The following FANK1 variants were observed in gnomAD, a reference collection of about 807,000 sequenced individuals.
FANK1 encodes fibronectin type III and ankyrin repeat domains 1.
A neutral mutation model predicts 45.3 loss-of-function variants in FANK1; 44 were observed. The ratio of observed to expected loss-of-function variants is 0.97; its 90% CI spans 0.76 to 1.25. FANK1 has a LOEUF of 1.25. FANK1 is among the 50% of genes most tolerant of loss of function. The probability of loss-of-function intolerance (pLI) is 0.00; values close to 1 mark genes in which losing one functional copy is unlikely to be tolerated. For missense variants in FANK1, 391 were observed against 424.4 expected (o/e 0.92, Z 0.69); for synonymous variants, 149 against 152.5 (o/e 0.98, Z 0.17).
chr10:125,980,175 T>C lies in FANK1; in HGVS notation c.28T>C (p.Ser10Pro). 1 of 1,611,602 alleles carries C rather than the reference T, an allele frequency of 6.2e-7. No individual in the cohort carries two copies. The stretch of plus-strand genomic sequence containing the variant: ...CTTTTTTTTAGAAATCATGCCACCC[T>C]CAAAGCCTCATCCACCTGTCGTGGG... MEPQKIMPP[S>P]KPHPPVVGKV... Residue 10 changes from serine to proline, a missense_variant, in exon 2 of 11, where the codon TCA becomes CCA. Transcript: ENST00000368693.
intron 1 of FANK1, among the ~76,000 whole-genome samples, chr10:125,977,352 G>A (rs1343701242): frequency 6.6e-6 from 1 of 152,168 alleles, no homozygotes; most frequent in African/African-American, 2.4e-5. Flanking sequence ...AGGGGGGTAT[G>A]TTAATGAGGT....
At chr10:125,996,672 A>G in intron 5 of FANK1, 48 bp downstream of exon 5, 1 of 1,574,758 alleles carries the variant, frequency 6.4e-7, no homozygotes, top group Non-Finnish European at 8.7e-7. Flanking sequence ...TTAACTTTTT[A>G]TTTTATTCAA....
intron 1 of FANK1, among the ~76,000 whole-genome samples, chr10:125,899,163 T>C (rs77513050): frequency 0.016 from 1,105 of 71,154 alleles, no homozygotes; most frequent in African/African-American, 0.022. Context: ...CGGGTTCAAG[T>C]AATTCTCCTG....
chr10:126,001,499 A>G (rs1401324799), intron 6 of FANK1, among the ~76,000 whole-genome samples: 1 of 152,196 alleles, frequency 6.6e-6, no homozygotes. Context: ...CGGGTCCTCC[A>G]TTTCTGGTGG....
At chr10:125,946,115 C>T (rs1948779572) in intron 1 of FANK1, among the ~76,000 whole-genome samples, 1 of 152,080 alleles carries the variant, frequency 6.6e-6, no homozygotes, top group Non-Finnish European at 1.5e-5. Context: ...TGTACATCAC[C>T]ATCATCAAAG....
chr10:125,943,642 C>G (rs1282130781), intron 1 of FANK1, among the ~76,000 whole-genome samples: 1 of 152,170 alleles, frequency 6.6e-6, no homozygotes, highest in African/African-American at 2.4e-5. Flanking sequence ...TCTATTCATG[C>G]TCAGGTGTTC....
intron 1 of FANK1, among the ~76,000 whole-genome samples, chr10:125,919,240 C>G (rs1447525766): frequency 1.3e-5 from 1 of 79,348 alleles, no homozygotes; most frequent in African/African-American, 4.8e-5. Context: ...GAGTCTTGCT[C>G]TGTCCCGCAG....
intron 1 of FANK1, among the ~76,000 whole-genome samples, chr10:125,939,224 G>A (rs1015018588): frequency 1.3e-5 from 2 of 152,130 alleles, no homozygotes; most frequent in African/African-American, 4.8e-5. Flanking sequence ...AGACACACCA[G>A]CTAAATGCAG....
At chr10:125,904,006 A>G (rs898695182) in intron 1 of FANK1, among the ~76,000 whole-genome samples, 3 of 152,014 alleles carry the variant, frequency 2.0e-5, no homozygotes, top group African/African-American at 4.8e-5. Flanking sequence ...GTGATCCCAC[A>G]GCTGTGACCA....
intron 6 of FANK1, among the ~76,000 whole-genome samples, chr10:126,003,180 T>C (rs1217381501): frequency 2.0e-5 from 3 of 151,890 alleles, no homozygotes; most frequent in African/African-American, 7.3e-5. Context: ...ATGTCCTATG[T>C]TCTGGATTTG....
chr10:125,998,779 C>T (rs914825230), intron 6 of FANK1, among the ~76,000 whole-genome samples: 1 of 152,068 alleles, frequency 6.6e-6, no homozygotes. Flanking sequence ...CCAAGTCAAC[C>T]CAAGAAGCAG....
chr10:125,948,667 T>C (rs373623435), intron 1 of FANK1, among the ~76,000 whole-genome samples: 20 of 152,330 alleles, frequency 1.3e-4, no homozygotes, highest in African/African-American at 4.3e-4. Flanking sequence ...GATTCACAGC[T>C]GAATTCTACC....
intron 1 of FANK1, among the ~76,000 whole-genome samples, chr10:125,970,597 G>A (rs1950452383): frequency 6.6e-6 from 1 of 152,206 alleles, no homozygotes; most frequent in Non-Finnish European, 1.5e-5. Flanking sequence ...CAGATCACTC[G>A]AGGTCAGGAG....
At chr10:125,918,774 ATTAT>A (rs567810290) in intron 1 of FANK1, among the ~76,000 whole-genome samples, 318 of 151,662 alleles carry the variant, frequency 2.1e-3, no homozygotes, top group African/African-American at 6.9e-3. Context: ...GCTCAGAAAG[ATTAT>A]TTATTTGAAG....
At chr10:125,946,402 G>T (rs1205968533) in intron 1 of FANK1, among the ~76,000 whole-genome samples, 1 of 150,594 alleles carries the variant, frequency 6.6e-6, no homozygotes, top group Non-Finnish European at 1.5e-5. Context: ...CCAATACAGA[G>T]AAGTGCTTAA....
At chr10:125,900,367 C>CT (rs1175202130) in intron 1 of FANK1, among the ~76,000 whole-genome samples, 23 of 137,442 alleles carry the variant, frequency 1.7e-4, no homozygotes, top group African/African-American at 5.5e-4. Flanking sequence ...TTTTTTTTTT[C>CT]TTTTTTTGGA....
At chr10:125,909,230 A>C (rs1945789920) in intron 1 of FANK1, among the ~76,000 whole-genome samples, 1 of 152,212 alleles carries the variant, frequency 6.6e-6, no homozygotes, top group Non-Finnish European at 1.5e-5. Flanking sequence ...TCTTTTTGAT[A>C]ACACAGGTCA....
chr10:125,898,623 A>T (rs1217575153), intron 1 of FANK1, among the ~76,000 whole-genome samples: 1 of 151,940 alleles, frequency 6.6e-6, no homozygotes, highest in Non-Finnish European at 1.5e-5. Context: ...TAAGGAGAGG[A>T]GGAGGAAAAA....
intron 1 of FANK1, among the ~76,000 whole-genome samples, chr10:125,909,519 CTTTTTT>C (rs76190291): frequency 7.4e-6 from 1 of 135,752 alleles, no homozygotes; most frequent in Admixed American, 7.5e-5. Flanking sequence ...TCTTCTTTTT[CTTTTTT>C]TTTTTTTGAG....
Sources: gnomAD v4.1 joint callset for allele counts (sites outside exome capture counted in the v4.1 genomes callset) on GRCh38, gnomAD v4.1.1 for gene constraint, MANE v1.5 for transcripts, NCBI Gene and HGNC (gene_info 2026-07-23, HGNC 2026-07-21) for gene names.